Variants in SF3A2 observed in about 807,000 individuals in gnomAD.
SF3A2 encodes the protein splicing factor 3a subunit 2.
In SF3A2, 5 loss-of-function variants were observed where a neutral mutation model predicts 31.1. That is an observed-to-expected ratio of 0.16 (90% CI 0.08 to 0.34). SF3A2 has a LOEUF of 0.34. Among genes scored for constraint, SF3A2 ranks in the 10% least tolerant of loss-of-function variants. The pLI, the probability that SF3A2 is intolerant of heterozygous loss-of-function variation, is 1.00. For missense variants in SF3A2, 577 were observed against 643.9 expected (o/e 0.90, Z 1.13); for synonymous variants, 365 against 263.7 (o/e 1.38, Z -3.72).
chr19:2,244,403 C>A, intron 2 of SF3A2, 141 bp from the exon 3 acceptor site: 1 of 676,420 alleles, frequency 1.5e-6, no homozygotes, highest in Non-Finnish European at 2.6e-6. Flanking sequence ...AAATGCTTGA[C>A]CACTGTCAGC....
rs199809645 is a variant in SF3A2 at position 2,246,771 on chromosome 19, C to T, written c.374C>T (p.Ser125Leu). Reference protein sequence around the residue: ...PGYKVTKQRDSEMGQQSLLFQ... With the variant: ...PGYKVTKQRDLEMGQQSLLFQ... Reference sequence around the variant, plus strand: ...GTTGCAGTGACCAAGCAGAGAGACTCGGAGATGGGCCAGCAGAGCCTCCTC... The same window carrying T: ...GTTGCAGTGACCAAGCAGAGAGACTTGGAGATGGGCCAGCAGAGCCTCCTC... Residue 125 changes from serine (S) to leucine (L), a missense_variant, in exon 6 of 9, where the codon TCG becomes TTG. This residue lies in a region of SF3A2 where 21 missense variants were observed against 38.6 expected (regional missense o/e 0.54). Coordinates refer to ENST00000221494, the MANE Select transcript of SF3A2 (RefSeq NM_007165.5). The surrounding 1 kb of genome is among the most constrained non-coding windows in gnomAD (Gnocchi z 5.5). 5.3e-5 allele frequency: 85 copies of T among 1,613,928 alleles called. No homozygotes were observed. The African/African-American group carries it at 7.2e-4, about 14-fold the overall frequency.
In SF3A2 at chr19:2,246,664, C is replaced by T; in HGVS notation, c.356-89C>T. The stretch of plus-strand genomic sequence containing the variant: ...GCAGGGCCTCCCCCGGGGTCCCGCT[C>T]TCGTTCAGTGGGTGGCATTAGCCTG... On this transcript the variant is annotated intron_variant, in intron 5 of 8. Transcript: ENST00000221494. The surrounding 1 kb of genome is among the most constrained non-coding windows in gnomAD (Gnocchi z 5.5). 4 of 1,506,364 alleles carry T rather than the reference C, an allele frequency of 2.7e-6. No individual in the cohort carries two copies. In the African/African-American group the frequency reaches 4.1e-5, roughly 16 times the overall value. 93.3% of individuals were successfully genotyped at this position (1,506,364 alleles called of 1,614,324 possible). A position where few individuals can be genotyped will look rare whatever the true frequency, so the allele number is the denominator to read the frequency against.
rs141417701 is a variant in SF3A2 at position 2,241,725 on chromosome 19, C to T, written c.-37-1657C>T. Among the ~76,000 whole-genome samples the T allele has an allele frequency of 3.5e-4, 54 of 152,286 alleles. No individual in the cohort carries two copies. In the Middle Eastern group the frequency reaches 0.014, roughly 38 times the overall value. ...AGGGTTCCTTGGGGCCAGAGGGTGGCGTTCCCAGCAAAGGACAGTCCTTCT... is the reference window on the plus strand; with the variant it reads ...AGGGTTCCTTGGGGCCAGAGGGTGGTGTTCCCAGCAAAGGACAGTCCTTCT... On this transcript the variant is annotated intron_variant, in intron 1 of 8. Transcript: ENST00000221494.
intron 7 of SF3A2, 174 bp downstream of exon 7, chr19:2,247,196 C>A: frequency 2.4e-5 from 1 of 41,820 alleles, no homozygotes; most frequent in Non-Finnish European, 4.7e-5. Context: ...TTGGGCTCTG[C>A]AGGAGGGCCT....
chr19:2,243,487 C>A lies in SF3A2; in HGVS notation c.69C>A (p.Asn23Lys), dbSNP rs1319644296. The A allele has an allele frequency of 6.4e-7, 1 of 1,552,284 alleles. No homozygotes were observed. The highest frequency in any genetic ancestry group is 8.6e-7 in the Non-Finnish European group (1 of 1,157,516). ...SGGVASSSESNRDRRERLRQL... is the reference protein window; with the variant it reads ...SGGVASSSESKRDRRERLRQL... ...GCGTGGCCTCCTCCTCCGAGAGCAACCGTGACCGCAGGGAGCGCCTCCGGC... is the reference window on the plus strand; with the variant it reads ...GCGTGGCCTCCTCCTCCGAGAGCAAACGTGACCGCAGGGAGCGCCTCCGGC... The change falls in exon 2 of 9, where the codon AAC becomes AAA. Residue 23 changes from asparagine (N) to lysine (K), a missense_variant. Physicochemically the swap from Asn to Lys is moderately conservative, Grantham distance 94 (BLOSUM62 0). Around this residue, in one of 6 missense-constraint regions of SF3A2, gnomAD observed 40 missense variants for 50.0 expected, o/e 0.80. Transcript: ENST00000221494.
rs762958622 is a variant in SF3A2, at chr19:2,247,678, C to G, written c.615+16C>G. ...GACCAAGCAGGTGAGTGGCTCGCCC[C>G]GAGCCTGGCTCCTTCCCACCCAGCC... On this transcript the variant is annotated intron_variant, in intron 8 of 8. Coordinates refer to ENST00000221494, the MANE Select transcript of SF3A2 (RefSeq NM_007165.5). 1.1e-5 allele frequency: 18 copies of G among 1,612,654 alleles called. No homozygotes were observed. The highest frequency in any genetic ancestry group is 2.7e-5 in the African/African-American group (2 of 74,842).
chr19:2,245,604 G>T lies in SF3A2; in HGVS notation c.355+49G>T, dbSNP rs1184688680. On this transcript the variant is annotated intron_variant, in intron 5 of 8. Coordinates refer to ENST00000221494, the MANE Select transcript of SF3A2 (RefSeq NM_007165.5). The surrounding 1 kb of genome is among the most constrained non-coding windows in gnomAD (Gnocchi z 4.2). ...GGCCACAGCCGCTGCCGTGACATAA[G>T]TGTGTTCTTTAGTCTCCAGTGCGGG... 2 of 1,360,562 alleles carry T rather than the reference G, an allele frequency of 1.5e-6. No individual in the cohort carries two copies. Among genetic ancestry groups the T allele is most frequent in the South Asian group, 1.2e-5 (1 of 80,294 alleles). 84.3% of individuals were successfully genotyped at this position (1,360,562 alleles called of 1,614,324 possible).
Position 2,245,627 on chromosome 19 carries a change from G to T in SF3A2, c.355+72G>T. ...AAGTGTGTTCTTTAGTCTCCAGTGC[G>T]GGAGGTGCAGCCCTGATAGCCTCCT... On this transcript the variant is annotated intron_variant, in intron 5 of 8. Coordinates refer to ENST00000221494, the MANE Select transcript of SF3A2 (RefSeq NM_007165.5). This position sits in a 1 kb window ranked among gnomAD's most constrained non-coding sequence, Gnocchi z 4.2. 1 of 1,137,306 alleles carries T rather than the reference G, an allele frequency of 8.8e-7. No individual in the cohort carries two copies. Among genetic ancestry groups the T allele is most frequent in the Non-Finnish European group, 1.3e-6 (1 of 770,702 alleles). 70.5% of individuals were successfully genotyped at this position (1,137,306 alleles called of 1,614,324 possible).
intron 3 of SF3A2, 36 bp from the exon 4 acceptor site, chr19:2,244,697 C>T (rs377061378): frequency 6.7e-5 from 108 of 1,613,228 alleles, no homozygotes; most frequent in South Asian, 2.5e-4. Context: ...TCTGTCCGCC[C>T]GGCCTCGAGT....
intron 1 of SF3A2, chr19:2,237,905 A>G (rs1161588384): frequency 6.6e-6 from 1 of 152,236 alleles, no homozygotes; most frequent in East Asian, 1.9e-4. Context: ...GTTGTTGGCT[A>G]GGTTAAGGAG....
At position 2,246,077 on chromosome 19, in the gene SF3A2, C is replaced by T. The variant is rs904287258; in HGVS notation, c.355+522C>T. 6.6e-6 allele frequency among the ~76,000 whole-genome samples: 1 copy of T among 152,212 alleles called. No homozygotes were observed. Among genetic ancestry groups the T allele is most frequent in the South Asian group, 2.1e-4 (1 of 4,834 alleles). On this transcript the variant is annotated intron_variant, in intron 5 of 8. Coordinates refer to ENST00000221494, the MANE Select transcript of SF3A2 (RefSeq NM_007165.5). This position sits in a 1 kb window ranked among gnomAD's most constrained non-coding sequence, Gnocchi z 5.5. ...GCGGGCACGCTACCCAGCAAGTGTT[C>T]TTTACAGAAGGCGGGGACAGCCTGT... is the stretch of plus-strand genomic sequence containing the variant.
chr19:2,241,387 C>T (rs562846706), intron 1 of SF3A2, among the ~76,000 whole-genome samples: 4 of 152,302 alleles, frequency 2.6e-5, no homozygotes, highest in East Asian at 1.9e-4. Flanking sequence ...AGTGCGGCTG[C>T]GGCCTGGTGG....
intron 3 of SF3A2, 25 bp downstream of exon 3, chr19:2,244,640 C>T (rs754104634): frequency 4.3e-6 from 7 of 1,612,022 alleles, no homozygotes; most frequent in East Asian, 2.2e-5. Context: ...TGGCTCCGGG[C>T]GGCTCGCGGC....
In SF3A2 at chr19:2,246,529, G is replaced by A. The variant is rs1024515650; in HGVS notation, c.356-224G>A. 3.3e-5 allele frequency among the ~76,000 whole-genome samples: 5 copies of A among 152,074 alleles called. No homozygotes were observed. Among genetic ancestry groups the A allele is most frequent in the East Asian group, 1.9e-4 (1 of 5,178 alleles). On this transcript the variant is annotated intron_variant, in intron 5 of 8. Transcript: ENST00000221494. This position sits in a 1 kb window ranked among gnomAD's most constrained non-coding sequence, Gnocchi z 5.5. ...ATTGGGACAAAGGAGCACCATCCTC[G>A]GTCCCTGCCTGAGTGACTCCGCAGG...
At chr19:2,238,201 T>C (rs2024854228) in intron 1 of SF3A2, among the ~76,000 whole-genome samples, 1 of 152,192 alleles carries the variant, frequency 6.6e-6, no homozygotes, top group Non-Finnish European at 1.5e-5. Context: ...TTTTTGTATT[T>C]TTTGTAGAGA....
chr19:2,240,557 G>A (rs1043204034), intron 1 of SF3A2, among the ~76,000 whole-genome samples: 1 of 152,206 alleles, frequency 6.6e-6, no homozygotes, highest in Non-Finnish European at 1.5e-5. Flanking sequence ...ATTGGTCTGG[G>A]TTTAGGTTTC....
chr19:2,244,892 TC>T, intron 4 of SF3A2, 113 bp downstream of exon 4: 1 of 1,004,656 alleles, frequency 1.0e-6, no homozygotes, highest in African/African-American at 1.6e-5. Flanking sequence ...GGCCTGAGCC[TC>T]CCTGGGCGCT....
rs2024965203 is a variant in SF3A2, at chr19:2,248,337, C to T, written c.1186C>T (p.Pro396Ser). 7.2e-7 allele frequency: 1 copy of T among 1,388,950 alleles called. No homozygotes were observed. Among genetic ancestry groups the T allele is most frequent in the African/African-American group, 1.5e-5 (1 of 66,448 alleles). The allele number at this position is 1,388,950 out of a possible 1,614,324, so 86.0% of individuals were successfully genotyped here. Residue 396 changes from proline (P) to serine (S), a missense_variant, in exon 9 of 9, where the codon CCA becomes TCA. Pro to Ser is a moderately conservative substitution (Grantham distance 74). Around this residue, in one of 6 missense-constraint regions of SF3A2, gnomAD observed 462 missense variants for 339.1 expected, o/e 1.36. Coordinates refer to ENST00000221494, the MANE Select transcript of SF3A2 (RefSeq NM_007165.5). ...CCCTCAGGCCCCAGGGGTGCACCCA[C>T]CAGCCCCAGGGATGCACCCTCAGGC... ...VHPQAPGVHP[P>S]APGMHPQAPG...
Position 2,248,565 on chromosome 19 carries a change from A to G in SF3A2, c.*19A>G, listed in dbSNP as rs1441368515. On this transcript the variant is annotated 3_prime_UTR_variant, in exon 9 of 9. Transcript: ENST00000221494. ...CAACTGAGAAGCTGCTCCCTCCCCC[A>G]GCAAGCCCAGCGCCAGGTGCTCTTG... The G allele has an allele frequency of 5.2e-6, 4 of 773,968 alleles. No homozygotes were observed. Among genetic ancestry groups the G allele is most frequent in the Non-Finnish European group, 7.1e-6 (4 of 560,614 alleles). The allele number at this position is 773,968 out of a possible 1,614,324, so 47.9% of individuals were successfully genotyped here.
Sources: gnomAD v4.1 joint callset for allele counts (sites outside exome capture counted in the v4.1 genomes callset) on GRCh38, gnomAD v4.1.1 for gene constraint, gnomAD v4.1.1 regional missense constraint, Gnocchi (gnomAD v3.1) non-coding constraint, MANE v1.5 for transcripts, NCBI Gene and HGNC (gene_info 2026-07-23, HGNC 2026-07-21) for gene names.